DCDC2C: variants seen among roughly 807,000 people sequenced by gnomAD.
DCDC2C encodes doublecortin domain containing 2C.
Under a neutral mutation model 45.0 loss-of-function variants are expected in DCDC2C, and 44 were observed. The ratio of observed to expected loss-of-function variants is 0.98; its 90% confidence interval spans 0.77 to 1.26. The LOEUF is 1.26. DCDC2C is among the 50% of genes most tolerant of loss of function. The probability of loss-of-function intolerance (pLI) is 0.00; values close to 1 mark genes in which losing one functional copy is unlikely to be tolerated. For synonymous variants in DCDC2C, 187 were observed against 178.8 expected (o/e 1.05, Z -0.37); for missense variants, 447 against 468.9 (o/e 0.95, Z 0.43).
chr2:3,799,385 G>A (rs141586315), intron 10 of DCDC2C, among the ~76,000 whole-genome samples: 32,966 of 152,086 alleles, frequency 0.22, 3,760 homozygotes, highest in South Asian at 0.36. Flanking sequence ...GTCATTCTCC[G>A]TCCAGCTTTG....
At chr2:3,814,250 G>T (rs1300232826) in intron 10 of DCDC2C, among the ~76,000 whole-genome samples, 1 of 152,002 alleles carries the variant, frequency 6.6e-6, no homozygotes, top group Non-Finnish European at 1.5e-5. Context: ...AGTCTTGTCT[G>T]CATTCCTTAT....
At chr2:3,711,416 A>T (rs575484837) in intron 2 of DCDC2C, among the ~76,000 whole-genome samples, 12 of 152,006 alleles carry the variant, frequency 7.9e-5, no homozygotes, top group Non-Finnish European at 1.6e-4. Context: ...GACAGACTGG[A>T]TTAAAAAAAA....
In DCDC2C at chr2:3,767,817, G is replaced by C; in HGVS notation, c.790G>C (p.Val264Leu). The C allele has an allele frequency of 7.1e-6, 11 of 1,546,204 alleles. No individual in the cohort carries two copies. In the South Asian group the frequency reaches 1.1e-4, roughly 15 times the overall value. Residue 264 changes from valine (V) to leucine (L), a missense_variant, in exon 7 of 11, where the codon GTT (valine) becomes CTT (leucine). By Grantham distance (32) the Val-to-Leu change is conservative. Coordinates refer to ENST00000399143, the MANE Select transcript of DCDC2C (RefSeq NM_001287444.2). ...DGIPPKTQDS[V>L]YYAKEEKKKT... The stretch of plus-strand genomic sequence containing the variant: ...CATACCCCCTAAAACACAGGATTCT[G>C]TTTATTATGCCAAAGAAGAAAAGAA...
At chr2:3,775,855 C>T (rs1670314864) in intron 8 of DCDC2C, among the ~76,000 whole-genome samples, 1 of 60,336 alleles carries the variant, frequency 1.7e-5, no homozygotes, top group South Asian at 1.2e-3. Context: ...CTGAGCTAGG[C>T]AGCTGTGGCT....
intron 10 of DCDC2C, among the ~76,000 whole-genome samples, chr2:3,846,380 G>C (rs566099507): frequency 1.3e-5 from 2 of 151,904 alleles, no homozygotes; most frequent in African/African-American, 2.4e-5. Context: ...TCAGCCTCCC[G>C]TGTAGCTGAG....
At chr2:3,753,050 A>G in intron 5 of DCDC2C, 150 bp downstream of exon 5, 1 of 993,274 alleles carries the variant, frequency 1.0e-6, no homozygotes, top group Non-Finnish European at 1.4e-6. Flanking sequence ...ACAATTTTAG[A>G]TTTTAAAAAT....
chr2:3,778,760 T>G, intron 8 of DCDC2C, 56 bp from the exon 9 acceptor site: 1 of 1,519,914 alleles, frequency 6.6e-7, no homozygotes. Context: ...CTCTCTGATT[T>G]TTTAAAAGGA....
chr2:3,785,133 G>A (rs770736067), intron 10 of DCDC2C, 33 bp downstream of exon 10: 45 of 1,230,598 alleles, frequency 3.7e-5, no homozygotes, highest in South Asian at 3.3e-4. Flanking sequence ...GTAGTTTTGC[G>A]TTTTCTATTC....
chr2:3,810,922 C>T (rs2148212929), intron 10 of DCDC2C, among the ~76,000 whole-genome samples: 1 of 152,240 alleles, frequency 6.6e-6, no homozygotes, highest in African/African-American at 2.4e-5. Context: ...GGTCTCTGTT[C>T]TGCTCCATTG....
In DCDC2C at chr2:3,734,130, C is replaced by G. The variant is rs903669159; in HGVS notation, c.416+7051C>G. Among the ~76,000 whole-genome samples, 2 of 152,360 alleles carry G rather than the reference C, an allele frequency of 1.3e-5. No individual in the cohort carries two copies. The highest frequency in any genetic ancestry group is 3.9e-4 in the East Asian group (2 of 5,180). On this transcript the variant is annotated intron_variant, in intron 3 of 10. Transcript: ENST00000399143. The surrounding 1 kb of genome is among the most constrained non-coding windows in gnomAD (Gnocchi z 4.2). ...GTAAATCCCCCATTTCCGTGGCACA[C>G]CAACATCACGTACTGCCCCAAAGGC...
Position 3,708,615 on chromosome 2 carries a change from CTAACAA to C in DCDC2C, c.339+16_339+21del, listed in dbSNP as rs1291651738. On this transcript the variant is annotated intron_variant, in intron 2 of 10. Coordinates refer to ENST00000399143, the MANE Select transcript of DCDC2C (RefSeq NM_001287444.2). ...AGTTGAAGGAAGTAAGTGTTTGCTT[CTAACAA>C]CTAATAATGGAATAAATTGGCCAAC... 1.4e-5 allele frequency: 21 copies of C among 1,543,016 alleles called. No individual in the cohort carries two copies. The highest frequency in any genetic ancestry group is 1.8e-5 in the Non-Finnish European group (21 of 1,141,694).
At chr2:3,836,734 C>T (rs1224366290) in intron 10 of DCDC2C, among the ~76,000 whole-genome samples, 2 of 151,996 alleles carry the variant, frequency 1.3e-5, no homozygotes, top group African/African-American at 4.8e-5. Flanking sequence ...CGGTGGCGGG[C>T]ACCTGTAGTC....
chr2:3,755,593 A>G (rs1669687088), intron 6 of DCDC2C, among the ~76,000 whole-genome samples: 1 of 151,830 alleles, frequency 6.6e-6, no homozygotes, highest in Admixed American at 6.6e-5. Context: ...ATGGATGTAT[A>G]TGTGTGTATG....
At position 3,741,867 on chromosome 2, in the gene DCDC2C, T is replaced by C. The variant is rs34964595; in HGVS notation, c.417-53T>C. On this transcript the variant is annotated intron_variant, in intron 3 of 10. Coordinates refer to ENST00000399143, the MANE Select transcript of DCDC2C (RefSeq NM_001287444.2). ...TTGTATATATATTGAATTTTCAATG[T>C]TTCCCCCTCAAACTTAAGGTATTAA... 5,064 of 1,495,362 alleles carry C rather than the reference T, an allele frequency of 3.4e-3. 147 individuals carry two copies. The African/African-American group carries it at 0.061, about 18-fold the overall frequency. 92.6% of individuals were successfully genotyped at this position (1,495,362 alleles called of 1,614,324 possible).
At chr2:3,713,979 G>A (rs2148050247) in intron 2 of DCDC2C, among the ~76,000 whole-genome samples, 1 of 152,252 alleles carries the variant, frequency 6.6e-6, no homozygotes, top group African/African-American at 2.4e-5. Context: ...TGTGGCATAA[G>A]CTTTTGCCAA....
intron 10 of DCDC2C, among the ~76,000 whole-genome samples, chr2:3,793,296 T>C (rs1670872108): frequency 1.3e-5 from 2 of 152,222 alleles, no homozygotes; most frequent in Admixed American, 1.3e-4. Flanking sequence ...GCATATGAAC[T>C]TGACAAGCCG....
Position 3,767,789 on chromosome 2 carries a change from TG to T in DCDC2C, c.764del (p.Gly255AlafsTer25). 6.4e-7 allele frequency: 1 copy of T among 1,550,514 alleles called. No individual in the cohort carries two copies. ...AAGGAAAAGAACCTTGTAAATATGA[TG>T]GCATACCCCCTAAAACACAGGATTC... ...SKGKEPCKYDGIPPKTQDSVY... is the reference protein window; with the variant it reads ...SKGKEPCKYDXIPPKTQDSVY... On this transcript the variant is annotated frameshift_variant, in exon 7 of 11. Transcript: ENST00000399143. LOFTEE classifies it high-confidence loss of function.
chr2:3,843,401 C>T (rs555374758), intron 10 of DCDC2C, among the ~76,000 whole-genome samples: 2 of 152,288 alleles, frequency 1.3e-5, no homozygotes, highest in East Asian at 1.9e-4. Context: ...GAGTTCTCCA[C>T]GTCAGCTGAG....
chr2:3,813,202 G>A (rs938671378), intron 10 of DCDC2C, among the ~76,000 whole-genome samples: 58 of 151,694 alleles, frequency 3.8e-4, no homozygotes, highest in Non-Finnish European at 8.2e-4. Flanking sequence ...CTCCCAGGTA[G>A]CTGGGATTAC....
Sources: gnomAD v4.1 joint callset for allele counts (sites outside exome capture counted in the v4.1 genomes callset) on GRCh38, gnomAD v4.1.1 for gene constraint, Gnocchi (gnomAD v3.1) non-coding constraint, MANE v1.5 for transcripts, NCBI Gene and HGNC (gene_info 2026-07-23, HGNC 2026-07-21) for gene names.